Variants in TRMT11 observed in about 807,000 individuals in gnomAD.
The protein encoded by TRMT11 is tRNA (guanine(10)-N(2))-methyltransferase TRMT11.
TRMT11 carries 53 observed loss-of-function variants against 62.8 expected under a neutral mutation model. The observed-to-expected ratio is 0.84, with a 90% CI of 0.68 to 1.06. The LOEUF (loss-of-function observed/expected upper bound fraction) is 1.06. TRMT11 is among the 50% of genes least tolerant of loss of function. TRMT11 has a pLI of 0.00. For synonymous variants in TRMT11, 188 were observed against 190.3 expected (o/e 0.99, Z 0.10); for missense variants, 556 against 553.4 (o/e 1.00, Z -0.05).
the TRMT11 span, chr6:126,257,919 C>A: frequency 2.6e-6 from 4 of 1,535,708 alleles, no homozygotes; most frequent in South Asian, 2.2e-5. Flanking sequence ...GGTCAAGGAC[C>A]CTCACTTCTT....
chr6:126,068,958 C>A (rs2128136868), intron 17 of TRMT11, among the ~76,000 whole-genome samples: 1 of 152,340 alleles, frequency 6.6e-6, no homozygotes, highest in Non-Finnish European at 1.5e-5. Flanking sequence ...TTTGTAGGAA[C>A]TAGCCTTTGG....
upstream of TRMT11, among the ~76,000 whole-genome samples, chr6:126,173,760 A>G (rs1469647542): frequency 7.2e-5 from 11 of 152,198 alleles, no homozygotes; most frequent in Admixed American, 7.2e-4. Flanking sequence ...AGTGAAGTGA[A>G]GAATTCTTTT....
At chr6:126,133,612 G>T (rs1458626302) in intron 21 of TRMT11, among the ~76,000 whole-genome samples, 2 of 151,966 alleles carry the variant, frequency 1.3e-5, no homozygotes, top group East Asian at 3.9e-4. Flanking sequence ...TGGATCTAGG[G>T]AATTTATTAG....
chr6:126,079,876 G>T (rs1777120499), intron 17 of TRMT11, among the ~76,000 whole-genome samples: 1 of 152,158 alleles, frequency 6.6e-6, no homozygotes, highest in Admixed American at 6.5e-5. Flanking sequence ...TGGATTCCTG[G>T]AGTAGTAAAA....
intron 17 of TRMT11, among the ~76,000 whole-genome samples, chr6:126,091,863 C>T (rs898771853): frequency 1.3e-5 from 2 of 152,142 alleles, no homozygotes; most frequent in African/African-American, 2.4e-5. Context: ...GCCGTAAAAT[C>T]GCCACATGGA....
chr6:126,254,410 G>C, the TRMT11 span, among the ~76,000 whole-genome samples: 3 of 152,162 alleles, frequency 2.0e-5, no homozygotes, highest in Non-Finnish European at 4.4e-5. Context: ...AGATTAACAA[G>C]AATTTAGCAA....
At chr6:126,260,212 C>T in the TRMT11 span, among the ~76,000 whole-genome samples, 1 of 151,928 alleles carries the variant, frequency 6.6e-6, no homozygotes, top group East Asian at 1.9e-4. Flanking sequence ...TGTTTATTTG[C>T]TATAATTGCT....
chr6:126,014,106 A>G (rs1794649766), intron 11 of TRMT11, among the ~76,000 whole-genome samples: 1 of 152,234 alleles, frequency 6.6e-6, no homozygotes, highest in African/African-American at 2.4e-5. Context: ...ATATATATTA[A>G]CAGTAAAAGA....
At chr6:126,026,695 A>G (rs1390641135) in intron 12 of TRMT11, among the ~76,000 whole-genome samples, 1 of 150,866 alleles carries the variant, frequency 6.6e-6, no homozygotes, top group Non-Finnish European at 1.5e-5. Context: ...CTAAAAGGTA[A>G]ATATTCTTGA....
the TRMT11 span, among the ~76,000 whole-genome samples, chr6:126,230,332 G>A: frequency 1.3e-4 from 20 of 152,310 alleles, no homozygotes; most frequent in African/African-American, 3.8e-4. Context: ...GACAGGCTGA[G>A]GGTTCAGGTG....
Position 126,012,884 on chromosome 6 carries a change from C to T in TRMT11, c.1007+32C>T, listed in dbSNP as rs758366389. The T allele has an allele frequency of 5.0e-6, 8 of 1,608,398 alleles. No individual in the cohort carries two copies. The South Asian group carries it at 8.8e-5, about 18-fold the overall frequency. On this transcript the variant is annotated intron_variant, in intron 10 of 12. Transcript: ENST00000334379. Reference sequence around the variant, plus strand: ...GAAATTTAAATATGATGTGTTACTACCTTGAGAAGAGGCATGTGGCTTCCC... The same window carrying T: ...GAAATTTAAATATGATGTGTTACTATCTTGAGAAGAGGCATGTGGCTTCCC...
chr6:126,138,169 A>G (rs1315107202), intron 21 of TRMT11, among the ~76,000 whole-genome samples: 1 of 151,948 alleles, frequency 6.6e-6, no homozygotes. Context: ...TAGTTCAATT[A>G]CTCTGACTTG....
intron 21 of TRMT11, among the ~76,000 whole-genome samples, chr6:126,140,559 G>A (rs79092849): frequency 2.2e-4 from 34 of 152,102 alleles, no homozygotes; most frequent in Middle Eastern, 6.8e-3. Context: ...ACTGATGTGC[G>A]TGTTTTAAAA....
Position 126,113,401 on chromosome 6 carries a change from G to A in TRMT11, c.*1526+447G>A, listed in dbSNP as rs73773366. Among the ~76,000 whole-genome samples the A allele has an allele frequency of 3.6e-3, 552 of 152,172 alleles. 1 individual carries two copies. The highest frequency in any genetic ancestry group is 0.012 in the African/African-American group (519 of 41,542). On this transcript the variant is annotated intron_variant and NMD_transcript_variant, in intron 18 of 22. Coordinates refer to the TRMT11 transcript ENST00000648977. The stretch of plus-strand genomic sequence containing the variant: ...GTTTCTATTTATTAAGAATTCTTGA[G>A]TTGCCTGCCTCTACATTAGTGGTTG...
chr6:126,039,698 A>G (rs376564437), downstream of TRMT11, among the ~76,000 whole-genome samples: 93 of 152,168 alleles, frequency 6.1e-4, no homozygotes, highest in African/African-American at 2.2e-3. Flanking sequence ...GAAAACCACT[A>G]TACCCATTAA....
At chr6:126,005,105 T>C (rs1793162037) in intron 7 of TRMT11, among the ~76,000 whole-genome samples, 1 of 152,090 alleles carries the variant, frequency 6.6e-6, no homozygotes, top group Non-Finnish European at 1.5e-5. Flanking sequence ...ATGATCATCA[T>C]GAATTTATTG....
intron 16 of TRMT11, among the ~76,000 whole-genome samples, chr6:126,052,862 C>T (rs1304785904): frequency 6.6e-6 from 1 of 152,160 alleles, no homozygotes; most frequent in Non-Finnish European, 1.5e-5. Context: ...ATGTTTTTGC[C>T]TCCAGTCTGT....
the TRMT11 span, among the ~76,000 whole-genome samples, chr6:126,229,927 T>G: frequency 6.6e-6 from 1 of 152,248 alleles, no homozygotes; most frequent in Non-Finnish European, 1.5e-5. Context: ...TTTTTCATCT[T>G]TCCTTTCATG....
chr6:126,255,948 T>A, the TRMT11 span, among the ~76,000 whole-genome samples: 1 of 152,196 alleles, frequency 6.6e-6, no homozygotes, highest in Non-Finnish European at 1.5e-5. Context: ...CTTTTATGGT[T>A]CCTGTGAGTC....
Sources: allele counts gnomAD v4.1 joint callset (sites outside exome capture counted in the v4.1 genomes callset), GRCh38; gene constraint gnomAD v4.1.1; transcripts MANE v1.5; gene names NCBI Gene and HGNC (gene_info 2026-07-23, HGNC 2026-07-21).